The following CCDC175 variants were observed in gnomAD, a reference collection of about 807,000 sequenced individuals.
CCDC175 encodes the protein coiled-coil domain containing 175.
Under a neutral mutation model 114.6 loss-of-function variants are expected in CCDC175, and 100 were observed. The observed-to-expected ratio is 0.87, with a 90% CI of 0.74 to 1.03. The LOEUF is 1.03. CCDC175 is among the 50% of genes least tolerant of loss of function. The pLI is 0.00. For synonymous variants in CCDC175, 306 were observed against 308.7 expected (o/e 0.99, Z 0.09); for missense variants, 880 against 917.8 (o/e 0.96, Z 0.53).
At chr14:59,511,698 T>C (rs993447654) in intron 18 of CCDC175, 62 bp downstream of exon 18, 3 of 1,323,012 alleles carry the variant, frequency 2.3e-6, no homozygotes, top group Admixed American at 4.0e-5. Flanking sequence ...ACTTATTAGG[T>C]AGGTAAACAT....
chr14:59,514,291 C>A (rs1263970708), intron 17 of CCDC175, among the ~76,000 whole-genome samples: 1 of 152,130 alleles, frequency 6.6e-6, no homozygotes, highest in African/African-American at 2.4e-5. Flanking sequence ...AGCTCCTCAC[C>A]AGCAATGGAA....
At chr14:59,523,848 G>C (rs890048331) in intron 16 of CCDC175, among the ~76,000 whole-genome samples, 6 of 152,092 alleles carry the variant, frequency 3.9e-5, no homozygotes, top group African/African-American at 1.4e-4. Context: ...AATTAGCCGG[G>C]CATGGTGGCG....
At position 59,543,372 on chromosome 14, in the gene CCDC175, C is replaced by A; in HGVS notation, c.1255G>T (p.Gly419Ter). 6.9e-7 allele frequency: 1 copy of A among 1,455,866 alleles called. No homozygotes were observed. The highest frequency in any genetic ancestry group is 1.3e-5 in the South Asian group (1 of 74,948). The allele number at this position is 1,455,866 out of a possible 1,614,324, so 90.2% of individuals were successfully genotyped here. A position where few individuals can be genotyped will look rare whatever the true frequency, so the allele number is the denominator to read the frequency against. Residue 419 changes from glycine (G) to a stop codon, truncating the protein, a stop_gained, in exon 10 of 20, where the codon GGA becomes TGA. Coordinates refer to ENST00000537690, the MANE Select transcript of CCDC175 (RefSeq NM_001164399.2). LOFTEE classifies it high-confidence loss of function. ...TGAAGTTCCTGGAGTGTGATGAGTCCTTCTTCCATATTTTTGATGTCTACT... is the reference window on the plus strand; with the variant it reads ...TGAAGTTCCTGGAGTGTGATGAGTCATTCTTCCATATTTTTGATGTCTACT... ...KRVDIKNMEE[G>*]LITLQELQQA...
intron 11 of CCDC175, among the ~76,000 whole-genome samples, chr14:59,540,108 TAATAA>T (rs374579097): frequency 1.6e-4 from 25 of 152,084 alleles, no homozygotes; most frequent in African/African-American, 6.0e-4. Context: ...ACAACAACGA[TAATAA>T]AATACAGCTA....
chr14:59,525,539 T>C (rs1893691908), intron 15 of CCDC175, 105 bp from the exon 16 acceptor site: 3 of 799,034 alleles, frequency 3.8e-6, no homozygotes, highest in East Asian at 6.2e-5. Context: ...AATTAATTTC[T>C]GAAGTATCCA....
At chr14:59,517,931 C>G (rs1157668439) in intron 17 of CCDC175, among the ~76,000 whole-genome samples, 1 of 152,132 alleles carries the variant, frequency 6.6e-6, no homozygotes, top group Non-Finnish European at 1.5e-5. Flanking sequence ...TACTACAAGG[C>G]TACAGTAACC....
At chr14:59,506,350 C>T (rs1371180125) in intron 19 of CCDC175, among the ~76,000 whole-genome samples, 1 of 147,524 alleles carries the variant, frequency 6.8e-6, no homozygotes, top group African/African-American at 2.5e-5. Flanking sequence ...TGCAGTGATG[C>T]GATCTCGGCT....
rs193283282 is a variant in CCDC175 at position 59,563,094 on chromosome 14, C to G, written c.843+643G>C. Among the ~76,000 whole-genome samples, 3 of 152,214 alleles carry G rather than the reference C, an allele frequency of 2.0e-5. No homozygotes were observed. In the East Asian group the frequency reaches 5.8e-4, roughly 29 times the overall value. On this transcript the variant is annotated intron_variant, in intron 6 of 19. Transcript: ENST00000537690. Reference sequence around the variant, plus strand: ...TCAATTAATTGTGATAAGAAGTTAACAGGCATTTTTGTTTTAATTAACATA... The same window carrying G: ...TCAATTAATTGTGATAAGAAGTTAAGAGGCATTTTTGTTTTAATTAACATA...
intron 17 of CCDC175, among the ~76,000 whole-genome samples, chr14:59,520,230 C>G (rs1893345445): frequency 6.6e-6 from 1 of 152,154 alleles, no homozygotes; most frequent in Non-Finnish European, 1.5e-5. Context: ...TAGAGAAGTA[C>G]AAGTTACAAT....
At chr14:59,564,926 G>T in intron 5 of CCDC175, 121 bp downstream of exon 5, 2 of 701,376 alleles carry the variant, frequency 2.9e-6, no homozygotes, top group East Asian at 2.7e-5. Flanking sequence ...TTTTCCCAGC[G>T]CGTTCACAGA....
At chr14:59,535,994 A>C (rs780235105) in intron 13 of CCDC175, among the ~76,000 whole-genome samples, 2 of 152,208 alleles carry the variant, frequency 1.3e-5, no homozygotes, top group Non-Finnish European at 2.9e-5. Flanking sequence ...CTCTTCTAAC[A>C]GGCAATCCTT....
intron 13 of CCDC175, among the ~76,000 whole-genome samples, chr14:59,534,149 T>A (rs1163774273): frequency 1.3e-5 from 2 of 152,188 alleles, no homozygotes; most frequent in Non-Finnish European, 2.9e-5. Context: ...GAAGCCATTC[T>A]CTTGTTCCGT....
At chr14:59,534,781 A>G (rs1050618436) in intron 13 of CCDC175, among the ~76,000 whole-genome samples, 5 of 152,108 alleles carry the variant, frequency 3.3e-5, no homozygotes, top group African/African-American at 7.2e-5. Flanking sequence ...GCCTATGGAA[A>G]AGTCAGCCAC....
intron 7 of CCDC175, among the ~76,000 whole-genome samples, chr14:59,555,003 T>C (rs914287481): frequency 9.9e-5 from 15 of 151,998 alleles, no homozygotes; most frequent in African/African-American, 3.4e-4. Context: ...AAGTCCAGGA[T>C]CAGACGGATT....
At chr14:59,525,498 C>CCTG in intron 15 of CCDC175, 64 bp from the exon 16 acceptor site, 1 of 1,112,862 alleles carries the variant, frequency 9.0e-7, no homozygotes, top group South Asian at 1.6e-5. Context: ...GGGTATTATA[C>CCTG]TGCCTAGGTC....
intron 7 of CCDC175, among the ~76,000 whole-genome samples, chr14:59,556,043 A>G (rs985136851): frequency 2.6e-5 from 4 of 152,232 alleles, no homozygotes; most frequent in African/African-American, 9.6e-5. Flanking sequence ...ATACTGCCCA[A>G]GGTAATTTAT....
intron 10 of CCDC175, among the ~76,000 whole-genome samples, chr14:59,541,888 C>T (rs1894812857): frequency 6.6e-6 from 1 of 152,174 alleles, no homozygotes; most frequent in African/African-American, 2.4e-5. Context: ...CGATCTTCCT[C>T]CTCTTTTATT....
chr14:59,540,998 T>G lies in CCDC175; in HGVS notation c.1284-252A>C, dbSNP rs144061188. Among the ~76,000 whole-genome samples the G allele has an allele frequency of 2.2e-4, 33 of 152,280 alleles. 1 individual carries two copies. In the East Asian group the frequency reaches 5.4e-3, roughly 25 times the overall value. ...AAGAGATTTCTGGGGAGGCAACTGATGAAGGGTTACTAGAGGTTAATGTTT... is the reference window on the plus strand; with the variant it reads ...AAGAGATTTCTGGGGAGGCAACTGAGGAAGGGTTACTAGAGGTTAATGTTT... On this transcript the variant is annotated intron_variant, in intron 10 of 19. Coordinates refer to ENST00000537690, the MANE Select transcript of CCDC175 (RefSeq NM_001164399.2).
chr14:59,518,883 G>A (rs1045301289), intron 17 of CCDC175, among the ~76,000 whole-genome samples: 1 of 152,118 alleles, frequency 6.6e-6, no homozygotes, highest in Admixed American at 6.6e-5. Flanking sequence ...GTTTATTGTG[G>A]CACTATTCAC....
Sources: gnomAD v4.1 joint callset for allele counts (sites outside exome capture counted in the v4.1 genomes callset) on GRCh38, gnomAD v4.1.1 for gene constraint, MANE v1.5 for transcripts, NCBI Gene and HGNC (gene_info 2026-07-23, HGNC 2026-07-21) for gene names.